IFIH1: variants seen among roughly 807,000 people sequenced by gnomAD.
IFIH1 encodes interferon induced with helicase C domain 1, also known as interferon-induced helicase C domain-containing protein 1.
IFIH1 carries 125 observed loss-of-function variants against 107.4 expected under a neutral mutation model. The ratio of observed to expected loss-of-function variants is 1.16; its 90% CI spans 1.01 to 1.35. The LOEUF is 1.35. Ranked by LOEUF, IFIH1 falls within the 40% of genes most tolerant of loss-of-function variation. The pLI is 0.00. For synonymous variants in IFIH1, 458 were observed against 413.2 expected (o/e 1.11, Z -1.31); for missense variants, 1,333 against 1,213.7 (o/e 1.10, Z -1.46).
Position 162,318,038 on chromosome 2 carries a change from C to T in IFIH1, c.270G>A (p.Leu90=). Residue 90 remains leucine, a synonymous_variant, in exon 1 of 16, where the codon CTG becomes CTA. Coordinates refer to ENST00000649979, the MANE Select transcript of IFIH1 (RefSeq NM_022168.4). ...VEALRRTGSP[L]AARYMNPELT... is the part of the protein sequence containing the mutation. The stretch of plus-strand genomic sequence containing the variant: ...GCTCAGGGTTCATGTAGCGGGCGGC[C>T]AGAGGGCTGCCGGTTCTCCGGAGGG... 4 of 1,614,162 alleles carry T rather than the reference C, an allele frequency of 2.5e-6. No individual in the cohort carries two copies. The highest frequency in any genetic ancestry group is 3.4e-6 in the Non-Finnish European group (4 of 1,180,032).
intron 3 of IFIH1, among the ~76,000 whole-genome samples, chr2:162,306,009 G>A (rs1683274819): frequency 1.3e-5 from 2 of 152,118 alleles, no homozygotes; most frequent in South Asian, 4.1e-4. Flanking sequence ...TTTCCCCAGA[G>A]TTACTTGTTA....
chr2:162,307,244 C>T (rs560463517), intron 2 of IFIH1: 71 of 154,244 alleles, frequency 4.6e-4, no homozygotes, highest in Non-Finnish European at 7.9e-4. Flanking sequence ...AAGCATTATG[C>T]TAATCACAAG....
chr2:162,316,961 A>G (rs1040726663), intron 1 of IFIH1, among the ~76,000 whole-genome samples: 8 of 152,078 alleles, frequency 5.3e-5, no homozygotes, highest in African/African-American at 1.7e-4. Context: ...CTTTCAATGA[A>G]TTGTTTCTAA....
intron 5 of IFIH1, among the ~76,000 whole-genome samples, chr2:162,282,792 A>G (rs1682834264): frequency 6.6e-6 from 1 of 151,926 alleles, no homozygotes; most frequent in South Asian, 2.1e-4. Flanking sequence ...GGACACAAAG[A>G]TATTTAACAT....
chr2:162,281,465 T>G lies in IFIH1; in HGVS notation c.1387A>C (p.Met463Leu). 1 of 1,612,326 alleles carries G rather than the reference T, an allele frequency of 6.2e-7. No individual in the cohort carries two copies. Among genetic ancestry groups the G allele is most frequent in the Non-Finnish European group, 8.5e-7 (1 of 1,178,834 alleles). Residue 463 changes from methionine (M) to leucine (L), a missense_variant, in exon 7 of 16, where the codon ATG (methionine) becomes CTG (leucine). Physicochemically the swap from Met to Leu is conservative, Grantham distance 15. Transcript: ENST00000649979. ...VYNNIMRHYL[M>L]QKLKNNRLKK... ...AGTCTATTGTTTTTCAACTTCTGCA[T>G]CAAATAATGCCTCATGATGTTATTA...
chr2:162,277,683 T>G lies in IFIH1; in HGVS notation c.1776A>C (p.Glu592Asp). The G allele has an allele frequency of 6.2e-7, 1 of 1,602,808 alleles. No homozygotes were observed. Reference sequence around the variant, plus strand: ...CACAAACACGTTCTTTGCGATTTCCTTCTTTTGCAGCTGTGAAAAAATATA... The same window carrying G: ...CACAAACACGTTCTTTGCGATTTCCGTCTTTTGCAGCTGTGAAAAAATATA... ...AIQMEKKAAK[E>D]GNRKERVCAE... is the part of the protein sequence containing the mutation. Residue 592 changes from glutamate to aspartate, a missense_variant, in exon 10 of 16, where the codon GAA becomes GAC. Physicochemically the swap from Glu to Asp is conservative, Grantham distance 45. Transcript: ENST00000649979.
rs555604512 is a variant in IFIH1 at position 162,271,829 on chromosome 2, G to T, written c.2616+397C>A. Among the ~76,000 whole-genome samples, 13 of 152,154 alleles carry T rather than the reference G, an allele frequency of 8.5e-5. No homozygotes were observed. In the East Asian group the frequency reaches 2.5e-3, roughly 29 times the overall value. On this transcript the variant is annotated intron_variant, in intron 13 of 15. Coordinates refer to ENST00000649979, the MANE Select transcript of IFIH1 (RefSeq NM_022168.4). The stretch of plus-strand genomic sequence containing the variant: ...CTTATGTGTTTTGTTTCCTCTGTTG[G>T]CTGTTCCTATAAGGTTACCTGGCAC...
intron 3 of IFIH1, among the ~76,000 whole-genome samples, chr2:162,297,913 T>C (rs1195193917): frequency 1.3e-5 from 2 of 152,092 alleles, no homozygotes; most frequent in African/African-American, 4.8e-5. Context: ...TGCAATCACA[T>C]CTTGAGTATT....
intron 15 of IFIH1, 40 bp from the exon 16 acceptor site, chr2:162,267,419 A>G (rs1690945783): frequency 6.2e-7 from 1 of 1,612,676 alleles, no homozygotes; most frequent in South Asian, 1.1e-5. Context: ...AATTAAATGT[A>G]CATGCAATTA....
Position 162,318,521 on chromosome 2 carries a change from C to A in IFIH1, c.-214G>T. 3.0e-6 allele frequency: 1 copy of A among 330,638 alleles called. No homozygotes were observed. Among genetic ancestry groups the A allele is most frequent in the East Asian group, 5.1e-5 (1 of 19,724 alleles). The allele number at this position is 330,638 out of a possible 1,614,324, so 20.5% of individuals were successfully genotyped here. ...GCAGGTGGGCAGGCGGGCAGGTGGG[C>A]AGCGGGGCGGCGCGCGGGGCCGCGG... is the stretch of plus-strand genomic sequence containing the variant. On this transcript the variant is annotated 5_prime_UTR_variant, in exon 1 of 16. Coordinates refer to ENST00000649979, the MANE Select transcript of IFIH1 (RefSeq NM_022168.4).
intron 3 of IFIH1, among the ~76,000 whole-genome samples, chr2:162,304,741 T>C (rs1683250950): frequency 6.6e-6 from 1 of 152,150 alleles, no homozygotes; most frequent in Non-Finnish European, 1.5e-5. Flanking sequence ...AATAACGAAA[T>C]ACCATTTTTA....
At chr2:162,283,835 G>A (rs1425391446) in intron 5 of IFIH1, among the ~76,000 whole-genome samples, 2 of 151,904 alleles carry the variant, frequency 1.3e-5, no homozygotes, top group Non-Finnish European at 2.9e-5. Context: ...TGGAAGAAGG[G>A]GTGGGGAAGA....
At position 162,267,461 on chromosome 2, in the gene IFIH1, C is replaced by T. The variant is rs749437569; in HGVS notation, c.2898+18G>A. The T allele has an allele frequency of 2.5e-6, 4 of 1,611,912 alleles. No individual in the cohort carries two copies. The African/African-American group carries it at 4.0e-5, about 16-fold the overall frequency. ...CCTGTTGGCTAAAGTAAAATCTGGC[C>T]CACAGCAATTTACTCACCTGGCCAC... is the stretch of plus-strand genomic sequence containing the variant. On this transcript the variant is annotated intron_variant, in intron 15 of 15. Transcript: ENST00000649979.
chr2:162,302,733 A>G (rs1168350306), intron 3 of IFIH1, among the ~76,000 whole-genome samples: 1 of 152,222 alleles, frequency 6.6e-6, no homozygotes, highest in South Asian at 2.1e-4. Flanking sequence ...GATAACAAGG[A>G]AACAAACAGA....
At chr2:162,276,582 G>A in intron 11 of IFIH1, 105 bp downstream of exon 11, 1 of 1,257,796 alleles carries the variant, frequency 8.0e-7, no homozygotes, top group Non-Finnish European at 1.1e-6. Context: ...TTCAGCCTGA[G>A]TGACAGAGCG....
intron 4 of IFIH1, among the ~76,000 whole-genome samples, chr2:162,290,663 A>G (rs958668320): frequency 6.6e-6 from 1 of 151,968 alleles, no homozygotes; most frequent in African/African-American, 2.4e-5. Flanking sequence ...TATGCACACA[A>G]AAATACCTGG....
chr2:162,302,274 A>G (rs1455612155), intron 3 of IFIH1, among the ~76,000 whole-genome samples: 1 of 152,220 alleles, frequency 6.6e-6, no homozygotes, highest in Non-Finnish European at 1.5e-5. Flanking sequence ...TAATATTTGC[A>G]TGCACTAAGA....
chr2:162,287,306 T>C (rs897597565), intron 5 of IFIH1, among the ~76,000 whole-genome samples: 22 of 151,778 alleles, frequency 1.4e-4, no homozygotes, highest in African/African-American at 5.1e-4. Context: ...AAGGAATAGA[T>C]AAGAACAGAA....
intron 3 of IFIH1, among the ~76,000 whole-genome samples, chr2:162,298,254 T>G (rs1683129748): frequency 6.6e-6 from 1 of 152,184 alleles, no homozygotes. Context: ...CTCTTCTATT[T>G]TTGGCCTAGA....
Sources: gnomAD v4.1 joint callset for allele counts (sites outside exome capture counted in the v4.1 genomes callset) on GRCh38, gnomAD v4.1.1 for gene constraint, MANE v1.5 for transcripts, NCBI Gene and HGNC (gene_info 2026-07-23, HGNC 2026-07-21) for gene names.